ADHFE1: variants seen among roughly 807,000 people sequenced by gnomAD.
ADHFE1 encodes alcohol dehydrogenase iron containing 1.
In ADHFE1, 37 loss-of-function variants were observed where a neutral mutation model predicts 54.8. That is an observed-to-expected ratio of 0.68 (90% CI 0.52 to 0.89). The LOEUF (loss-of-function observed/expected upper bound fraction) is 0.89, where lower values mean the gene tolerates loss of function less well. ADHFE1 is among the 40% of genes least tolerant of loss of function. The pLI, the probability that ADHFE1 is intolerant of heterozygous loss-of-function variation, is 0.00. For missense variants in ADHFE1, 601 were observed against 591.2 expected, an observed-to-expected ratio of 1.02 and a Z score of -0.17; for synonymous variants, 203 against 229.3, an observed-to-expected ratio of 0.89 and a Z score of 1.04.
intron 6 of ADHFE1, among the ~76,000 whole-genome samples, chr8:66,446,506 A>G (rs1806031132): frequency 6.6e-6 from 1 of 152,248 alleles, no homozygotes; most frequent in South Asian, 2.1e-4. Flanking sequence ...CAGCACAGTC[A>G]TCACACACGT....
At chr8:66,460,606 T>A (rs1191522812) in intron 13 of ADHFE1, 141 bp downstream of exon 13, 2 of 993,702 alleles carry the variant, frequency 2.0e-6, no homozygotes, top group Non-Finnish European at 2.8e-6. Flanking sequence ...CAGACAGCAG[T>A]TCTGTCCTTT....
Position 66,442,804 on chromosome 8 carries a change from G to C in ADHFE1, c.104G>C (p.Gly35Ala). The change falls in exon 3 of 14, where the codon GGA (glycine) becomes GCA (alanine). Residue 35 changes from glycine (G) to alanine (A), a missense_variant. Coordinates refer to ENST00000396623, the MANE Select transcript of ADHFE1 (RefSeq NM_144650.3). ...THSHTYSQAP[G>A]LSPSGKTTDY... Reference sequence around the variant, plus strand: ...CTAACTTTTACATTTCTAGCCCCTGGACTTTCACCTTCTGGGAAAACAACA... The same window carrying C: ...CTAACTTTTACATTTCTAGCCCCTGCACTTTCACCTTCTGGGAAAACAACA... 1.9e-6 allele frequency: 3 copies of C among 1,596,094 alleles called. No individual in the cohort carries two copies. Among genetic ancestry groups the C allele is most frequent in the Non-Finnish European group, 2.6e-6 (3 of 1,175,290 alleles).
At chr8:66,450,538 C>T (rs1806247295) in intron 8 of ADHFE1, among the ~76,000 whole-genome samples, 1 of 152,226 alleles carries the variant, frequency 6.6e-6, no homozygotes, top group South Asian at 2.1e-4. Context: ...ATAAAGTGGC[C>T]ATCCTAGGGC....
chr8:66,468,472 G>T lies in ADHFE1; in HGVS notation c.*120G>T. 1 of 688,814 alleles carries T rather than the reference G, an allele frequency of 1.5e-6. No homozygotes were observed. The highest frequency in any genetic ancestry group is 2.2e-5 in the South Asian group (1 of 45,034). 42.7% of individuals were successfully genotyped at this position (688,814 alleles called of 1,614,324 possible). A position where few individuals can be genotyped will look rare whatever the true frequency, so the allele number is the denominator to read the frequency against. On this transcript the variant is annotated 3_prime_UTR_variant, in exon 14 of 14. Coordinates refer to ENST00000396623, the MANE Select transcript of ADHFE1 (RefSeq NM_144650.3). ...AACTTACCTGTTACCAGTATAGGTG[G>T]GATATACATTTATCTTGCAGGAAAT... is the stretch of plus-strand genomic sequence containing the variant.
At chr8:66,438,785 C>T (rs545334245) in intron 1 of ADHFE1, among the ~76,000 whole-genome samples, 4 of 151,108 alleles carry the variant, frequency 2.6e-5, no homozygotes, top group South Asian at 4.2e-4. Flanking sequence ...GTAGAGGTCC[C>T]GAGAAAGCAA....
intron 3 of ADHFE1, among the ~76,000 whole-genome samples, chr8:66,443,187 G>C (rs1473542451): frequency 6.7e-6 from 1 of 149,734 alleles, no homozygotes; most frequent in Non-Finnish European, 1.5e-5. Context: ...AACAATTCTG[G>C]TGTATTTTTA....
At chr8:66,435,514 A>G (rs1196221287) in intron 1 of ADHFE1, among the ~76,000 whole-genome samples, 1 of 151,490 alleles carries the variant, frequency 6.6e-6, no homozygotes, top group Non-Finnish European at 1.5e-5. Flanking sequence ...TTTGGGTCAA[A>G]TCTCCCTCTG....
intron 5 of ADHFE1, 107 bp from the exon 6 acceptor site, chr8:66,445,111 C>A (rs1288236886): frequency 1.1e-4 from 126 of 1,117,342 alleles, no homozygotes; most frequent in Non-Finnish European, 1.5e-4. Flanking sequence ...AAAAAAAAAA[C>A]AAAAACAAAA....
At position 66,445,396 on chromosome 8, in the gene ADHFE1, C is replaced by G; in HGVS notation, c.532C>G (p.Leu178Val). 1.2e-6 allele frequency: 2 copies of G among 1,609,632 alleles called. No individual in the cohort carries two copies. Among genetic ancestry groups the G allele is most frequent in the Middle Eastern group, 1.7e-4 (1 of 5,994 alleles). Residue 178 changes from leucine (L) to valine (V), a missense_variant, in exon 6 of 14, where the codon CTT becomes GTT. Transcript: ENST00000396623. Reference protein sequence around the residue: ...IGKGKPVSVPLKPLIAVPTTS... With the variant: ...IGKGKPVSVPVKPLIAVPTTS... The stretch of plus-strand genomic sequence containing the variant: ...CAAGGGAAAGCCTGTGTCTGTGCCT[C>G]TTAAGCCTCTGATTGCAGGTAAAGA...
At chr8:66,441,756 G>A (rs1041342080) in intron 2 of ADHFE1, among the ~76,000 whole-genome samples, 4 of 151,956 alleles carry the variant, frequency 2.6e-5, no homozygotes, top group South Asian at 4.1e-4. Flanking sequence ...TAGGACTTTC[G>A]GAGGCCGGGG....
Position 66,454,139 on chromosome 8 carries a change from A to T in ADHFE1, c.968A>T (p.Asn323Ile), listed in dbSNP as rs147833015. The change falls in exon 10 of 14, where the codon AAT (asparagine) becomes ATT (isoleucine). Residue 323 changes from asparagine to isoleucine, a missense_variant. By Grantham distance (149) the Asn-to-Ile change is moderately radical. Transcript: ENST00000396623. ...ASAFAGIGFG[N>I]AGVHLCHGMS... ...GCTTTTGCTGGCATCGGCTTTGGAAATGCTGGTGTTCATCTGTGGTGAGCA... is the reference window on the plus strand; with the variant it reads ...GCTTTTGCTGGCATCGGCTTTGGAATTGCTGGTGTTCATCTGTGGTGAGCA... 142 of 1,614,188 alleles carry T rather than the reference A, an allele frequency of 8.8e-5. 1 individual carries two copies. In the African/African-American group the frequency reaches 1.7e-3, roughly 20 times the overall value.
intron 10 of ADHFE1, among the ~76,000 whole-genome samples, chr8:66,455,970 CTA>C (rs1211171727): frequency 6.6e-6 from 1 of 152,024 alleles, no homozygotes; most frequent in African/African-American, 2.4e-5. Flanking sequence ...ACAAAAAAAA[CTA>C]TAATATTTTC....
chr8:66,452,113 AC>A lies in ADHFE1; in HGVS notation c.887+12del. Reference sequence around the variant, plus strand: ...GGCTAAGTATCTGAAGAGGTATGTCACCCCGAAGGGGATAGAAATAGAACAG... The same window carrying A: ...GGCTAAGTATCTGAAGAGGTATGTCACCCGAAGGGGATAGAAATAGAACAG... On this transcript the variant is annotated intron_variant, in intron 9 of 13. Coordinates refer to ENST00000396623, the MANE Select transcript of ADHFE1 (RefSeq NM_144650.3). The A allele has an allele frequency of 6.2e-7, 1 of 1,613,580 alleles. No individual in the cohort carries two copies. The highest frequency in any genetic ancestry group is 1.1e-5 in the South Asian group (1 of 91,036).
chr8:66,450,554 T>TGTA (rs1172627645), intron 8 of ADHFE1, among the ~76,000 whole-genome samples: 1 of 152,242 alleles, frequency 6.6e-6, no homozygotes, highest in Admixed American at 6.5e-5. Context: ...AGGGCTTGAC[T>TGTA]GTAGGGAGAG....
At chr8:66,464,839 A>G (rs995274523) in intron 13 of ADHFE1, among the ~76,000 whole-genome samples, 1 of 152,118 alleles carries the variant, frequency 6.6e-6, no homozygotes, top group African/African-American at 2.4e-5. Context: ...ATGCCAAACA[A>G]GTGGTGTGTC....
At chr8:66,452,252 C>A (rs1806339240) in intron 9 of ADHFE1, 147 bp downstream of exon 9, 3 of 1,179,020 alleles carry the variant, frequency 2.5e-6, no homozygotes, top group Admixed American at 5.3e-5. Context: ...CAGACACCAG[C>A]AGCCTCTGGA....
chr8:66,457,242 G>C, intron 12 of ADHFE1, 76 bp downstream of exon 12: 1 of 1,404,220 alleles, frequency 7.1e-7, no homozygotes, highest in Non-Finnish European at 9.9e-7. Flanking sequence ...ATTTTGGGAG[G>C]CTAAGTTGGG....
At chr8:66,463,221 A>C (rs969973973) in intron 13 of ADHFE1, among the ~76,000 whole-genome samples, 1 of 152,212 alleles carries the variant, frequency 6.6e-6, no homozygotes, top group Admixed American at 6.5e-5. Flanking sequence ...ATAGCAACTT[A>C]ATTAGGTATC....
chr8:66,464,815 C>T (rs548139487), intron 13 of ADHFE1, among the ~76,000 whole-genome samples: 1 of 152,320 alleles, frequency 6.6e-6, no homozygotes, highest in South Asian at 2.1e-4. Flanking sequence ...ATTTTCAGAA[C>T]TCTTTTTTTA....
Sources: allele counts gnomAD v4.1 joint callset (sites outside exome capture counted in the v4.1 genomes callset), GRCh38; gene constraint gnomAD v4.1.1; transcripts MANE v1.5; gene names NCBI Gene and HGNC (gene_info 2026-07-23, HGNC 2026-07-21).